COL4A3: variants seen among roughly 807,000 people sequenced by gnomAD.
COL4A3 encodes the protein collagen alpha-3(IV) chain.
Under a neutral mutation model 217.4 loss-of-function variants are expected in COL4A3, and 135 were observed. The ratio of observed to expected loss-of-function variants is 0.62; its 90% confidence interval spans 0.54 to 0.72. COL4A3 has a LOEUF of 0.72. COL4A3 is among the 30% of genes least tolerant of loss of function. The pLI, the probability that COL4A3 is intolerant of heterozygous loss-of-function variation, is 0.00. For missense variants in COL4A3, 1,868 were observed against 2,119.9 expected (o/e 0.88, Z 2.33); for synonymous variants, 690 against 736.3 (o/e 0.94, Z 1.02).
At chr2:227,231,165 A>C (rs1054994063) in intron 1 of COL4A3, among the ~76,000 whole-genome samples, 3 of 152,108 alleles carry the variant, frequency 2.0e-5, no homozygotes, top group African/African-American at 4.8e-5. Flanking sequence ...TAACTGGTAC[A>C]TGTCTGCCAT....
At position 227,250,846 on chromosome 2, in the gene COL4A3, A is replaced by G. The variant is rs995809693; in HGVS notation, c.547-294A>G. On this transcript the variant is annotated intron_variant, in intron 9 of 51. Coordinates refer to ENST00000396578, the MANE Select transcript of COL4A3 (RefSeq NM_000091.5). The surrounding 1 kb of genome is among the most constrained non-coding windows in gnomAD (Gnocchi z 4.1). Reference sequence around the variant, plus strand: ...CATGCTTGGCCAAAATGAGAGAGAAAGGAAAAGGGAGAAGAAAAGAGGTGG... The same window carrying G: ...CATGCTTGGCCAAAATGAGAGAGAAGGGAAAAGGGAGAAGAAAAGAGGTGG... Among the ~76,000 whole-genome samples, 1 of 152,120 alleles carries G rather than the reference A, an allele frequency of 6.6e-6. No individual in the cohort carries two copies. The highest frequency in any genetic ancestry group is 1.5e-5 in the Non-Finnish European group (1 of 68,020).
At chr2:227,216,194 C>T (rs528651944) in intron 1 of COL4A3, among the ~76,000 whole-genome samples, 1 of 152,286 alleles carries the variant, frequency 6.6e-6, no homozygotes, top group African/African-American at 2.4e-5. Flanking sequence ...ATGACCTGCA[C>T]ACTAAAAAAT....
chr2:227,217,130 A>G (rs892157259), intron 1 of COL4A3, among the ~76,000 whole-genome samples: 2 of 152,236 alleles, frequency 1.3e-5, no homozygotes, highest in African/African-American at 4.8e-5. Context: ...CATGTCTTAC[A>G]TGGTGGCAGA....
In COL4A3 at chr2:227,280,526, T is replaced by C; in HGVS notation, c.2310T>C (p.Ile770=). ...ERGNSGEHGE[I]GLPGLPGLPG... ...GCAATTCTGGGGAACATGGAGAAAT[T>C]GGACTCCCTGGACTTCCAGGTCTCC... Residue 770 remains isoleucine (I), a synonymous_variant, in exon 30 of 52, where the codon ATT becomes ATC. Transcript: ENST00000396578. The C allele has an allele frequency of 6.2e-7, 1 of 1,614,050 alleles. No homozygotes were observed. The highest frequency in any genetic ancestry group is 8.5e-7 in the Non-Finnish European group (1 of 1,179,974).
chr2:227,200,189 C>T (rs980855777), intron 1 of COL4A3, among the ~76,000 whole-genome samples: 11 of 151,200 alleles, frequency 7.3e-5, no homozygotes, highest in South Asian at 2.1e-4. Flanking sequence ...AGAACAGGAA[C>T]GAAGTTTGTA....
intron 23 of COL4A3, chr2:227,268,796 G>A (rs10933175): frequency 0.61 from 92,588 of 152,128 alleles, 30,881 homozygotes; most frequent in South Asian, 0.78. Context: ...CAAAAGGAAG[G>A]AAATGAAGGA....
intron 1 of COL4A3, among the ~76,000 whole-genome samples, chr2:227,209,492 C>G (rs576254693): frequency 1.3e-5 from 2 of 152,290 alleles, no homozygotes; most frequent in African/African-American, 2.4e-5. Context: ...TTCTGTGAAG[C>G]CTCTGTGTCC....
At chr2:227,224,782 T>C (rs1395469317) in intron 1 of COL4A3, among the ~76,000 whole-genome samples, 2 of 152,166 alleles carry the variant, frequency 1.3e-5, no homozygotes, top group African/African-American at 4.8e-5. Context: ...TGAATGATTA[T>C]AGTTTGAGAA....
At chr2:227,262,742 T>C (rs1030147138) in intron 20 of COL4A3, among the ~76,000 whole-genome samples, 3 of 152,238 alleles carry the variant, frequency 2.0e-5, no homozygotes, top group African/African-American at 7.2e-5. Flanking sequence ...GTTGATTTCA[T>C]GTCCTGCAAT....
At chr2:227,252,407 G>T (rs2069818766) in intron 11 of COL4A3, among the ~76,000 whole-genome samples, 1 of 151,496 alleles carries the variant, frequency 6.6e-6, no homozygotes, top group Non-Finnish European at 1.5e-5. Flanking sequence ...GTAGAGACAG[G>T]GTCTTACCAT....
chr2:227,239,717 T>C (rs986193871), intron 2 of COL4A3, among the ~76,000 whole-genome samples: 6 of 152,232 alleles, frequency 3.9e-5, no homozygotes, highest in Admixed American at 3.3e-4. Flanking sequence ...GGTGGCGTTC[T>C]TTCAAGCTAC....
chr2:227,209,841 T>C (rs1242266248), intron 1 of COL4A3, among the ~76,000 whole-genome samples: 2 of 152,046 alleles, frequency 1.3e-5, no homozygotes, highest in Non-Finnish European at 2.9e-5. Context: ...AAACTCCATC[T>C]CAAAAACAAA....
chr2:227,183,324 A>C (rs749279010), intron 1 of COL4A3, among the ~76,000 whole-genome samples: 2 of 152,212 alleles, frequency 1.3e-5, no homozygotes, highest in Non-Finnish European at 2.9e-5. Flanking sequence ...ACAAGCTATG[A>C]GTTAGAATAA....
intron 42 of COL4A3, 34 bp from the exon 43 acceptor site, chr2:227,298,642 TCCCTGG>T: frequency 6.2e-7 from 1 of 1,612,174 alleles, no homozygotes; most frequent in Non-Finnish European, 8.5e-7. Flanking sequence ...CCTTCCAAGC[TCCCTGG>T]CTGGCAATAC....
rs562279337 is a variant in COL4A3 at position 227,244,462 on chromosome 2, C to T, written c.279+98C>T. On this transcript the variant is annotated intron_variant, in intron 4 of 51. Coordinates refer to ENST00000396578, the MANE Select transcript of COL4A3 (RefSeq NM_000091.5). The stretch of plus-strand genomic sequence containing the variant: ...GAAAGGAGTACACTGTGTATGGTTC[C>T]ATAGATGAAGTTCAAGAACAGGTAA... The T allele has an allele frequency of 2.4e-5, 28 of 1,178,802 alleles. No homozygotes were observed. The African/African-American group carries it at 4.1e-4, about 17-fold the overall frequency. The allele number at this position is 1,178,802 out of a possible 1,614,324, so 73.0% of individuals were successfully genotyped here. A position where few individuals can be genotyped will look rare whatever the true frequency, so the allele number is the denominator to read the frequency against.
chr2:227,197,310 T>C (rs1053684475), intron 1 of COL4A3, among the ~76,000 whole-genome samples: 1 of 152,088 alleles, frequency 6.6e-6, no homozygotes, highest in Non-Finnish European at 1.5e-5. Flanking sequence ...TCCACCTCCC[T>C]GGGTTTAAGC....
intron 23 of COL4A3, 41 bp downstream of exon 23, chr2:227,267,129 A>C (rs756853571): frequency 2.1e-6 from 3 of 1,399,422 alleles, no homozygotes; most frequent in Non-Finnish European, 3.0e-6. Flanking sequence ...CAAGCACAAA[A>C]GGGTCAATAC....
At chr2:227,209,736 G>T (rs1262691646) in intron 1 of COL4A3, among the ~76,000 whole-genome samples, 1 of 152,182 alleles carries the variant, frequency 6.6e-6, no homozygotes, top group Non-Finnish European at 1.5e-5. Flanking sequence ...CAGCTACTCT[G>T]GAGGTTGATG....
Position 227,189,017 on chromosome 2 carries a change from T to G in COL4A3, c.87+24204T>G, listed in dbSNP as rs189007558. On this transcript the variant is annotated intron_variant, in intron 1 of 51. Coordinates refer to ENST00000396578, the MANE Select transcript of COL4A3 (RefSeq NM_000091.5). The stretch of plus-strand genomic sequence containing the variant: ...AATGATGTCCACACTGAGACTGAAA[T>G]CTAGCCAGGAAGGATGGGAGGAGAG... 1.4e-4 allele frequency among the ~76,000 whole-genome samples: 21 copies of G among 152,128 alleles called. 1 individual carries two copies.
Sources: gnomAD v4.1 joint callset for allele counts (sites outside exome capture counted in the v4.1 genomes callset) on GRCh38, gnomAD v4.1.1 for gene constraint, Gnocchi (gnomAD v3.1) non-coding constraint, MANE v1.5 for transcripts, NCBI Gene and HGNC (gene_info 2026-07-23, HGNC 2026-07-21) for gene names.